The following COL4A2 variants were observed in gnomAD, a reference collection of about 807,000 sequenced individuals.
COL4A2 encodes the protein collagen type IV alpha 2 chain.
Under a neutral mutation model 200.2 loss-of-function variants are expected in COL4A2, and 99 were observed. The observed-to-expected ratio is 0.49, with a 90% CI of 0.42 to 0.58. COL4A2 has a LOEUF of 0.58. Among genes scored for constraint, COL4A2 ranks in the 20% least tolerant of loss-of-function variants. COL4A2 has a pLI of 0.00. For missense variants in COL4A2, 1,950 were observed against 2,314.1 expected, an observed-to-expected ratio of 0.84 and a Z score of 3.23; for synonymous variants, 897 against 900.6, an observed-to-expected ratio of 1.00 and a Z score of 0.07.
chr13:110,503,337 C>G, intron 42 of COL4A2, 46 bp from the exon 43 acceptor site: 1 of 1,588,368 alleles, frequency 6.3e-7, no homozygotes, highest in Non-Finnish European at 8.6e-7. Context: ...AGAGGAGCCC[C>G]CTCCCCACAG....
chr13:110,499,096 C>T (rs917779481), intron 40 of COL4A2, among the ~76,000 whole-genome samples: 1 of 152,246 alleles, frequency 6.6e-6, no homozygotes, highest in African/African-American at 2.4e-5. Context: ...GACGTTCACA[C>T]ACTGATCATA....
chr13:110,485,113 C>T (rs894053247), intron 33 of COL4A2, 86 bp downstream of exon 33: 8 of 1,220,444 alleles, frequency 6.6e-6, no homozygotes, highest in Middle Eastern at 2.6e-4. Context: ...TCCCCAGAGA[C>T]GCCCGTGCCC....
intron 4 of COL4A2, among the ~76,000 whole-genome samples, chr13:110,408,673 GAA>G (rs1034661561): frequency 6.6e-5 from 10 of 152,188 alleles, no homozygotes; most frequent in Non-Finnish European, 1.3e-4. Context: ...GACACAGAGA[GAA>G]AGCGCCAAAC....
chr13:110,369,392 G>C (rs965157052), intron 4 of COL4A2, among the ~76,000 whole-genome samples: 5 of 152,024 alleles, frequency 3.3e-5, no homozygotes, highest in Non-Finnish European at 7.4e-5. Flanking sequence ...TTCAGTTTAG[G>C]GTTGCTCAAC....
At chr13:110,466,188 A>G (rs879091451) in intron 26 of COL4A2, 126 bp downstream of exon 26, 15 of 1,127,338 alleles carry the variant, frequency 1.3e-5, no homozygotes, top group Non-Finnish European at 1.9e-5. Context: ...TTTGATTTCC[A>G]TGGCACAACA....
chr13:110,363,500 G>A (rs147308124), intron 4 of COL4A2, among the ~76,000 whole-genome samples: 3 of 152,158 alleles, frequency 2.0e-5, no homozygotes, highest in East Asian at 3.9e-4. Flanking sequence ...AAGAGGGAAC[G>A]AGTGCTCGGG....
At chr13:110,311,702 T>C (rs1884987607) in intron 3 of COL4A2, among the ~76,000 whole-genome samples, 1 of 152,214 alleles carries the variant, frequency 6.6e-6, no homozygotes, top group Non-Finnish European at 1.5e-5. Flanking sequence ...GCACTCACTG[T>C]AGCCGCTCTG....
chr13:110,351,666 G>C (rs1876966527), intron 3 of COL4A2, among the ~76,000 whole-genome samples: 1 of 152,198 alleles, frequency 6.6e-6, no homozygotes, highest in South Asian at 2.1e-4. Context: ...TTTGTCCACA[G>C]TGCCTCTGCC....
In COL4A2 at chr13:110,508,931, TC is replaced by T. The variant is rs1346078643; in HGVS notation, c.4881+713del. ...CTCCTCAACTTGGAATAGGGTCCCG[TC>T]CCGATAAATTCATTGTAAGATGAAG... On this transcript the variant is annotated intron_variant, in intron 47 of 47. Transcript: ENST00000360467. This position sits in a 1 kb window ranked among gnomAD's most constrained non-coding sequence, Gnocchi z 6.1. Among the ~76,000 whole-genome samples, 6 of 152,086 alleles carry T rather than the reference TC, an allele frequency of 3.9e-5. No individual in the cohort carries two copies. Among genetic ancestry groups the T allele is most frequent in the Admixed American group, 3.3e-4 (5 of 15,262 alleles).
intron 29 of COL4A2, among the ~76,000 whole-genome samples, chr13:110,474,743 G>C (rs1882624810): frequency 9.4e-6 from 1 of 106,782 alleles, no homozygotes; most frequent in Non-Finnish European, 2.0e-5. Context: ...CCACACACGT[G>C]CCGTGCACAC....
intron 3 of COL4A2, among the ~76,000 whole-genome samples, chr13:110,324,862 G>A (rs1301000859): frequency 6.6e-6 from 1 of 152,240 alleles, no homozygotes; most frequent in Non-Finnish European, 1.5e-5. Context: ...CCTGCTGATT[G>A]ATACAGCTTT....
intron 45 of COL4A2, among the ~76,000 whole-genome samples, chr13:110,505,075 G>A (rs373518231): frequency 5.9e-5 from 9 of 152,128 alleles, no homozygotes; most frequent in African/African-American, 2.2e-4. Context: ...TAGGGGCCGG[G>A]CGCGGTGGCT....
At chr13:110,379,212 C>A (rs942551119) in intron 4 of COL4A2, among the ~76,000 whole-genome samples, 2 of 152,130 alleles carry the variant, frequency 1.3e-5, no homozygotes, top group Non-Finnish European at 2.9e-5. Context: ...GGCACAGGGA[C>A]GCTGCTACAC....
intron 3 of COL4A2, among the ~76,000 whole-genome samples, chr13:110,335,987 C>T (rs1249560307): frequency 6.6e-6 from 1 of 152,218 alleles, no homozygotes; most frequent in Non-Finnish European, 1.5e-5. Context: ...AATGTAGACT[C>T]ATCCAGTCTC....
chr13:110,379,723 G>A (rs544896927), intron 4 of COL4A2, among the ~76,000 whole-genome samples: 147 of 152,256 alleles, frequency 9.7e-4, no homozygotes, highest in Non-Finnish European at 1.2e-3. Context: ...TGGCACCACC[G>A]TGTTTTATCT....
At chr13:110,366,548 G>T (rs1426610447) in intron 4 of COL4A2, among the ~76,000 whole-genome samples, 1 of 152,158 alleles carries the variant, frequency 6.6e-6, no homozygotes, top group Non-Finnish European at 1.5e-5. Flanking sequence ...AATAGCCAAG[G>T]GGAGAAAATG....
chr13:110,311,818 A>AGACGT (rs1199627699), intron 3 of COL4A2, among the ~76,000 whole-genome samples: 1 of 152,186 alleles, frequency 6.6e-6, no homozygotes, highest in Non-Finnish European at 1.5e-5. Context: ...GGGCCACAAT[A>AGACGT]GACGTGGGTT....
chr13:110,397,865 A>G (rs909163968), intron 4 of COL4A2, among the ~76,000 whole-genome samples: 2 of 152,228 alleles, frequency 1.3e-5, no homozygotes, highest in African/African-American at 4.8e-5. Flanking sequence ...TTTTGAGTCC[A>G]ACAGAAAGAG....
intron 21 of COL4A2, 135 bp downstream of exon 21, chr13:110,457,570 G>T (rs1053087348): frequency 1.3e-5 from 9 of 711,346 alleles, no homozygotes; most frequent in African/African-American, 3.5e-5. Context: ...CCAGCCTCCT[G>T]TCCCCTTGGC....
Sources: allele counts gnomAD v4.1 joint callset (sites outside exome capture counted in the v4.1 genomes callset), GRCh38; gene constraint gnomAD v4.1.1; non-coding constraint Gnocchi (gnomAD v3.1); transcripts MANE v1.5; gene names NCBI Gene and HGNC (gene_info 2026-07-23, HGNC 2026-07-21).